The following CACNG5 variants were observed in gnomAD, a reference collection of about 807,000 sequenced individuals.
CACNG5 encodes voltage-dependent calcium channel gamma-5 subunit.
In CACNG5, 18 loss-of-function variants were observed where a neutral mutation model predicts 24.8. The ratio of observed to expected loss-of-function variants is 0.73; its 90% CI spans 0.50 to 1.08. The LOEUF (loss-of-function observed/expected upper bound fraction) is 1.08, where lower values mean the gene tolerates loss of function less well. Among genes scored for constraint, CACNG5 ranks in the 50% least tolerant of loss-of-function variants. CACNG5 has a pLI of 0.00. For missense variants in CACNG5, 349 were observed against 367.9 expected (o/e 0.95, Z 0.42); for synonymous variants, 157 against 149.1 (o/e 1.05, Z -0.39).
intron 1 of CACNG5, among the ~76,000 whole-genome samples, chr17:66,846,477 A>G (rs954775068): frequency 1.3e-5 from 2 of 152,190 alleles, no homozygotes; most frequent in Non-Finnish European, 2.9e-5. Context: ...TGGAATTATA[A>G]TCATACAACA....
At chr17:66,854,724 A>C (rs1173643668) in intron 1 of CACNG5, among the ~76,000 whole-genome samples, 2 of 152,050 alleles carry the variant, frequency 1.3e-5, no homozygotes, top group Non-Finnish European at 1.5e-5. Flanking sequence ...GAAAAGAAAA[A>C]CTGTAGACTG....
intron 1 of CACNG5, among the ~76,000 whole-genome samples, chr17:66,871,008 T>G: frequency 6.6e-6 from 1 of 151,462 alleles, no homozygotes; most frequent in Non-Finnish European, 1.5e-5. Context: ...ATAGCATCAC[T>G]TCTGTGTACT....
intron 2 of CACNG5, among the ~76,000 whole-genome samples, chr17:66,877,808 TG>T (rs1977104897): frequency 6.6e-6 from 1 of 152,244 alleles, no homozygotes; most frequent in African/African-American, 2.4e-5. Flanking sequence ...CTCCCAGGAC[TG>T]GATGCCAATG....
At chr17:66,874,933 T>C (rs1422582460) in intron 1 of CACNG5, among the ~76,000 whole-genome samples, 1 of 152,162 alleles carries the variant, frequency 6.6e-6, no homozygotes, top group Non-Finnish European at 1.5e-5. Context: ...CAAGTGTAAA[T>C]GACAGGGTTT....
In CACNG5 at chr17:66,890,412, T is replaced by C. The variant is rs1977326553; in HGVS notation, c.*5172T>C. On this transcript the variant is annotated 3_prime_UTR_variant, in exon 6 of 6. Transcript: ENST00000533854. ...CAGGTGCCCCTCTAGCATCCACGTCTCCCAGGACAGGTGCTAGGGCCTCAT... is the reference window on the plus strand; with the variant it reads ...CAGGTGCCCCTCTAGCATCCACGTCCCCCAGGACAGGTGCTAGGGCCTCAT... Among the ~76,000 whole-genome samples the C allele has an allele frequency of 6.6e-6, 1 of 152,224 alleles. No individual in the cohort carries two copies. Among genetic ancestry groups the C allele is most frequent in the African/African-American group, 2.4e-5 (1 of 41,462 alleles).
chr17:66,840,254 C>T (rs1004546456), intron 1 of CACNG5, among the ~76,000 whole-genome samples: 3 of 152,184 alleles, frequency 2.0e-5, no homozygotes, highest in Non-Finnish European at 2.9e-5. Context: ...ACTTGTGTAT[C>T]TATTCACCGA....
chr17:66,841,240 A>G (rs1186188486), intron 1 of CACNG5, among the ~76,000 whole-genome samples: 1 of 152,200 alleles, frequency 6.6e-6, no homozygotes, highest in East Asian at 1.9e-4. Context: ...GGTAGGTGAG[A>G]GACAGATGGT....
intron 1 of CACNG5, among the ~76,000 whole-genome samples, chr17:66,863,559 G>T (rs930935977): frequency 1.3e-5 from 2 of 152,010 alleles, no homozygotes. Flanking sequence ...TAGAGTCAAG[G>T]TTTCACCATG....
intron 4 of CACNG5, among the ~76,000 whole-genome samples, chr17:66,883,409 C>T (rs942221463): frequency 2.6e-5 from 4 of 152,130 alleles, no homozygotes; most frequent in African/African-American, 9.7e-5. Context: ...AGGAAGGTTT[C>T]GGTCACACCA....
chr17:66,856,628 G>A (rs1278292287), intron 1 of CACNG5, among the ~76,000 whole-genome samples: 5 of 146,348 alleles, frequency 3.4e-5, no homozygotes, highest in Non-Finnish European at 6.0e-5. Flanking sequence ...TGCAATCTCC[G>A]CCGCCCAGGT....
rs1263215838 is a variant in CACNG5, at chr17:66,886,467, A to G, written c.*1227A>G. On this transcript the variant is annotated 3_prime_UTR_variant, in exon 6 of 6. Transcript: ENST00000533854. ...GGAAACCGGAGCCAGGAGGGTTTCA[A>G]TTACCCTCCGTAAGTCCACAGAAGC... Among the ~76,000 whole-genome samples, 1 of 152,148 alleles carries G rather than the reference A, an allele frequency of 6.6e-6. No homozygotes were observed. The highest frequency in any genetic ancestry group is 1.5e-5 in the Non-Finnish European group (1 of 68,018).
At chr17:66,838,976 T>TTTTTTTTTTTTTTG (rs1976524182) in intron 1 of CACNG5, among the ~76,000 whole-genome samples, 1 of 144,830 alleles carries the variant, frequency 6.9e-6, no homozygotes, top group African/African-American at 2.6e-5. Context: ...TTTTTTTTTT[T>TTTTTTTTTTTTTTG]TTTGAGACAG....
intron 4 of CACNG5, among the ~76,000 whole-genome samples, chr17:66,883,415 C>T (rs1371704273): frequency 6.6e-6 from 1 of 152,152 alleles, no homozygotes; most frequent in African/African-American, 2.4e-5. Flanking sequence ...GTTTCGGTCA[C>T]ACCAGTTTTC....
At chr17:66,842,739 T>G (rs1402699855) in intron 1 of CACNG5, among the ~76,000 whole-genome samples, 1 of 152,184 alleles carries the variant, frequency 6.6e-6, no homozygotes, top group Non-Finnish European at 1.5e-5. Flanking sequence ...CTGATGGACC[T>G]TAAAAATAGA....
intron 1 of CACNG5, among the ~76,000 whole-genome samples, chr17:66,866,865 A>G (rs1976937939): frequency 6.6e-6 from 1 of 152,142 alleles, no homozygotes; most frequent in Non-Finnish European, 1.5e-5. Flanking sequence ...TATCCAGTCT[A>G]TCATTGATGG....
At chr17:66,868,934 T>G (rs918750651) in intron 1 of CACNG5, among the ~76,000 whole-genome samples, 1 of 152,194 alleles carries the variant, frequency 6.6e-6, no homozygotes, top group East Asian at 1.9e-4. Flanking sequence ...AATAAAATTC[T>G]GCAGGGAGCA....
chr17:66,887,990 A>G lies in CACNG5; in HGVS notation c.*2750A>G, dbSNP rs1405333457. ...TTAACATGTACAAACTCAACTCAGA[A>G]ATCATAAATTAGGGTCTCTTCTTCA... On this transcript the variant is annotated 3_prime_UTR_variant, in exon 6 of 6. Transcript: ENST00000533854. Among the ~76,000 whole-genome samples, 3 of 152,106 alleles carry G rather than the reference A, an allele frequency of 2.0e-5. No homozygotes were observed. The highest frequency in any genetic ancestry group is 4.4e-5 in the Non-Finnish European group (3 of 68,022).
chr17:66,838,533 G>C (rs1009140293), intron 1 of CACNG5, among the ~76,000 whole-genome samples: 1 of 151,892 alleles, frequency 6.6e-6, no homozygotes, highest in Non-Finnish European at 1.5e-5. Flanking sequence ...GATGTGGACT[G>C]GTCCTGGCTG....
chr17:66,856,836 C>T (rs1976785396), intron 1 of CACNG5, among the ~76,000 whole-genome samples: 1 of 151,954 alleles, frequency 6.6e-6, no homozygotes, highest in African/African-American at 2.4e-5. Context: ...AGCCACCACA[C>T]CTGACCTCGT....
Sources: gnomAD v4.1 joint callset for allele counts (sites outside exome capture counted in the v4.1 genomes callset) on GRCh38, gnomAD v4.1.1 for gene constraint, MANE v1.5 for transcripts, NCBI Gene and HGNC (gene_info 2026-07-23, HGNC 2026-07-21) for gene names.